The following NOTCH2 variants were observed in gnomAD, a reference collection of about 807,000 sequenced individuals.
NOTCH2 encodes the protein notch receptor 2.
In NOTCH2, 29 loss-of-function variants were observed where a neutral mutation model predicts 235.8. The observed-to-expected ratio is 0.12, with a 90% confidence interval of 0.09 to 0.17. NOTCH2 has a LOEUF of 0.17. Ranked by LOEUF, NOTCH2 falls within the 10% of genes least tolerant of loss-of-function variation. The pLI is 1.00. For synonymous variants in NOTCH2, 1,086 were observed against 1,141.5 expected, an observed-to-expected ratio of 0.95 and a Z score of 0.98; for missense variants, 2,285 against 3,150.2, an observed-to-expected ratio of 0.73 and a Z score of 6.57.
At chr1:119,935,408 T>C (rs1262592826) in intron 22 of NOTCH2, 64 bp downstream of exon 22, 2 of 1,613,324 alleles carry the variant, frequency 1.2e-6, no homozygotes, top group Admixed American at 1.7e-5. Flanking sequence ...CCCTGAACAC[T>C]AAGAATGGAT....
chr1:119,977,768 AG>A (rs1553201121), intron 5 of NOTCH2, among the ~76,000 whole-genome samples: 1 of 152,232 alleles, frequency 6.6e-6, no homozygotes, highest in Non-Finnish European at 1.5e-5. Flanking sequence ...TATCTTAGAA[AG>A]GTAAGAAGAG....
intron 1 of NOTCH2, among the ~76,000 whole-genome samples, chr1:120,045,677 T>C (rs1553213503): frequency 6.6e-6 from 1 of 152,240 alleles, no homozygotes; most frequent in Non-Finnish European, 1.5e-5. Flanking sequence ...AATTCACATA[T>C]ATCTTCTATC....
chr1:119,961,620 TTTG>T lies in NOTCH2; in HGVS notation c.1915+1951_1915+1953del, dbSNP rs781955380. Among the ~76,000 whole-genome samples, 10 of 152,234 alleles carry T rather than the reference TTTG, an allele frequency of 6.6e-5. No homozygotes were observed. In the East Asian group the frequency reaches 7.7e-4, roughly 12 times the overall value. On this transcript the variant is annotated intron_variant, in intron 11 of 33. Transcript: ENST00000256646. ...CGCTAAGCTCTTTCTGTTTCTTTGT[TTTG>T]TTGTTGTTTATTTTTTGTAAATGAT...
chr1:119,970,472 G>A lies in NOTCH2; in HGVS notation c.875-728C>T, dbSNP rs587690973. On this transcript the variant is annotated intron_variant, in intron 5 of 33. Coordinates refer to ENST00000256646, the MANE Select transcript of NOTCH2 (RefSeq NM_024408.4). ...CCTGAGGCACCCATACTTAAAGGAT[G>A]GGGATTTGTGGAAGAAGACAAAGAA... Among the ~76,000 whole-genome samples, 92 of 152,270 alleles carry A rather than the reference G, an allele frequency of 6.0e-4. 1 individual carries two copies. Among genetic ancestry groups the A allele is most frequent in the Middle Eastern group, 6.8e-3 (2 of 294 alleles).
intron 2 of NOTCH2, among the ~76,000 whole-genome samples, chr1:120,015,016 G>A (rs1205020665): frequency 1.4e-5 from 2 of 140,564 alleles, no homozygotes; most frequent in African/African-American, 5.2e-5. Flanking sequence ...TTTTAAAAAC[G>A]AGGATTTGGC....
rs142545614 is a variant in NOTCH2 at position 119,933,479 on chromosome 1, C to T, written c.3655+1993G>A. On this transcript the variant is annotated intron_variant, in intron 22 of 33. Transcript: ENST00000256646. ...ATAAACTCAAAGAAATTCATACCTACATACATCATAATCAAACTATCAAAA... is the reference window on the plus strand; with the variant it reads ...ATAAACTCAAAGAAATTCATACCTATATACATCATAATCAAACTATCAAAA... Among the ~76,000 whole-genome samples, 168 of 152,302 alleles carry T rather than the reference C, an allele frequency of 1.1e-3. 2 individuals are homozygous for T. Among genetic ancestry groups the T allele is most frequent in the Admixed American group, 0.01 (158 of 15,302 alleles).
chr1:119,957,828 AAACACAC>A (rs1557821580), intron 12 of NOTCH2, among the ~76,000 whole-genome samples: 1 of 136,684 alleles, frequency 7.3e-6, no homozygotes, highest in African/African-American at 2.9e-5. Context: ...AGCCTTATAT[AAACACAC>A]ACACACACAC....
In NOTCH2 at chr1:119,922,357, T is replaced by C. The variant is rs1420971079; in HGVS notation, c.5092A>G (p.Ile1698Val). The C allele has an allele frequency of 6.2e-7, 1 of 1,614,034 alleles. No individual in the cohort carries two copies. The highest frequency in any genetic ancestry group is 8.5e-7 in the Non-Finnish European group (1 of 1,180,000). Residue 1698 changes from isoleucine to valine, a missense_variant, in exon 28 of 34, where the codon ATC becomes GTC. This residue lies in a region of NOTCH2 where 1,173 missense variants were observed against 1,515.3 expected (regional missense o/e 0.77). Transcript: ENST00000256646. ...TGCTTACGCTTTCGTTTTGCCATGA[T>C]TACCCCCAGCAGAATAATAAACAGA... ...IILFIILLGV[I>V]MAKRKRKHGS...
At chr1:119,928,538 A>G (rs782759419) in intron 23 of NOTCH2, among the ~76,000 whole-genome samples, 1 of 151,932 alleles carries the variant, frequency 6.6e-6, no homozygotes, top group East Asian at 1.9e-4. Context: ...TTTTGTTCAG[A>G]TGAAAAGAGT....
intron 3 of NOTCH2, among the ~76,000 whole-genome samples, chr1:120,005,065 A>G (rs1276552542): frequency 2.6e-5 from 4 of 152,200 alleles, no homozygotes; most frequent in Non-Finnish European, 5.9e-5. Context: ...TGGGATTGCA[A>G]GCGTGCACCA....
intron 1 of NOTCH2, among the ~76,000 whole-genome samples, chr1:120,048,553 A>G (rs1457562115): frequency 7.2e-6 from 1 of 138,690 alleles, no homozygotes; most frequent in Non-Finnish European, 1.5e-5. Context: ...GGCTCAAGCA[A>G]TCCTCCTGCC....
intron 15 of NOTCH2, 59 bp from the exon 16 acceptor site, chr1:119,949,185 C>A (rs1650368485): frequency 1.3e-6 from 2 of 1,592,604 alleles, no homozygotes; most frequent in Non-Finnish European, 1.7e-6. Flanking sequence ...GAAAATTTTC[C>A]TTATCCCAAG....
At chr1:119,954,318 G>C (rs1193603231) in intron 13 of NOTCH2, among the ~76,000 whole-genome samples, 1 of 152,214 alleles carries the variant, frequency 6.6e-6, no homozygotes, top group Non-Finnish European at 1.5e-5. Flanking sequence ...GAAAATGAGA[G>C]ATGGATAAGG....
At chr1:119,967,192 A>G (rs1553199778) in intron 8 of NOTCH2, among the ~76,000 whole-genome samples, 1 of 152,144 alleles carries the variant, frequency 6.6e-6, no homozygotes, top group Non-Finnish European at 1.5e-5. Context: ...TTACATGTGG[A>G]TTTTGATATA....
At chr1:120,014,103 G>C (rs1553207476) in intron 2 of NOTCH2, among the ~76,000 whole-genome samples, 1 of 151,670 alleles carries the variant, frequency 6.6e-6, no homozygotes, top group Non-Finnish European at 1.5e-5. Flanking sequence ...ATGTCTCTCA[G>C]TGACTTTTAC....
At chr1:119,929,274 G>C (rs1649574536) in intron 22 of NOTCH2, 62 bp from the exon 23 acceptor site, 5 of 1,354,750 alleles carry the variant, frequency 3.7e-6, no homozygotes, top group Non-Finnish European at 5.3e-6. Flanking sequence ...TCCAGCAAGG[G>C]ATAACCACCC....
chr1:119,983,190 A>T (rs1165389696), intron 5 of NOTCH2, among the ~76,000 whole-genome samples: 1 of 151,846 alleles, frequency 6.6e-6, no homozygotes, highest in East Asian at 1.9e-4. Flanking sequence ...CTTTTTTTCC[A>T]TATGAAGTTC....
At chr1:119,922,131 T>A in intron 28 of NOTCH2, 105 bp downstream of exon 28, 1 of 1,282,504 alleles carries the variant, frequency 7.8e-7, no homozygotes, top group East Asian at 2.4e-5. Context: ...TCAATGTGAG[T>A]AAATGCCCAG....
At chr1:119,951,644 T>C (rs587611864) in intron 14 of NOTCH2, among the ~76,000 whole-genome samples, 2 of 152,348 alleles carry the variant, frequency 1.3e-5, no homozygotes, top group East Asian at 3.9e-4. Context: ...GCATGAAACC[T>C]TCTCCCACTA....
Sources: gnomAD v4.1 joint callset for allele counts (sites outside exome capture counted in the v4.1 genomes callset) on GRCh38, gnomAD v4.1.1 for gene constraint, gnomAD v4.1.1 regional missense constraint, MANE v1.5 for transcripts, NCBI Gene and HGNC (gene_info 2026-07-23, HGNC 2026-07-21) for gene names.